The following DAB1 variants were observed in gnomAD, a reference collection of about 807,000 sequenced individuals.
DAB1 encodes disabled homolog 1.
A neutral mutation model predicts 64.6 loss-of-function variants in DAB1; 15 were observed. The ratio of observed to expected loss-of-function variants is 0.23; its 90% CI spans 0.16 to 0.36. The LOEUF is 0.36. DAB1 is among the 10% of genes least tolerant of loss of function. The pLI is 1.00. For synonymous variants in DAB1, 235 were observed against 251.9 expected (o/e 0.93, Z 0.64); for missense variants, 596 against 706.7 (o/e 0.84, Z 1.78).
intron 3 of DAB1, among the ~76,000 whole-genome samples, chr1:58,373,323 T>TC (rs1267511527): frequency 9.8e-6 from 1 of 102,370 alleles, no homozygotes; most frequent in African/African-American, 2.9e-5. Flanking sequence ...CCCTCCCCAC[T>TC]CCCCCCTCCC....
intron 7 of DAB1, among the ~76,000 whole-genome samples, chr1:57,585,058 G>A (rs1266987587): frequency 1.3e-5 from 2 of 151,644 alleles, no homozygotes; most frequent in African/African-American, 2.4e-5. Flanking sequence ...AGACCAGCCT[G>A]GCCAACATGT....
rs143189967 is a variant in DAB1, at chr1:57,389,837, G to C, written c.-137+34093C>G. Among the ~76,000 whole-genome samples the C allele has an allele frequency of 1.6e-4, 24 of 152,170 alleles. 1 individual carries two copies. In the East Asian group the frequency reaches 4.4e-3, roughly 28 times the overall value. On this transcript the variant is annotated intron_variant, in intron 1 of 14. Coordinates refer to ENST00000371236, the MANE Select transcript of DAB1 (RefSeq NM_001365792.1). ...TACCTAACTCCCCCCATAGAAACAA[G>C]CTTGATAACAAAAATAACTGTAATA...
chr1:57,998,701 T>C (rs1232506610), intron 5 of DAB1, among the ~76,000 whole-genome samples: 2 of 152,196 alleles, frequency 1.3e-5, no homozygotes, highest in African/African-American at 2.4e-5. Context: ...CTAGAGTAGT[T>C]TGAGGAATTA....
chr1:57,458,719 A>G (rs1364587601), intron 7 of DAB1, among the ~76,000 whole-genome samples: 1 of 152,128 alleles, frequency 6.6e-6, no homozygotes, highest in African/African-American at 2.4e-5. Flanking sequence ...GAATTAAGTG[A>G]CGTATTAAAT....
chr1:57,995,554 A>C (rs2100388037), intron 5 of DAB1, among the ~76,000 whole-genome samples: 1 of 152,354 alleles, frequency 6.6e-6, no homozygotes, highest in South Asian at 2.1e-4. Context: ...TTGGTTATTA[A>C]TAAAATATTG....
intron 7 of DAB1, among the ~76,000 whole-genome samples, chr1:57,593,478 A>T (rs530388704): frequency 2.6e-5 from 4 of 152,368 alleles, no homozygotes; most frequent in African/African-American, 2.4e-5. Flanking sequence ...TGCACAAATC[A>T]AACTAGTTTT....
At chr1:58,328,651 G>T (rs905810901) in intron 4 of DAB1, among the ~76,000 whole-genome samples, 2 of 152,068 alleles carry the variant, frequency 1.3e-5, no homozygotes, top group African/African-American at 4.8e-5. Flanking sequence ...TGTCACCCAG[G>T]CTGGAATACA....
chr1:57,578,799 G>T (rs1479917753), intron 7 of DAB1, among the ~76,000 whole-genome samples: 2 of 152,170 alleles, frequency 1.3e-5, no homozygotes, highest in Non-Finnish European at 2.9e-5. Context: ...GGGTTCATGT[G>T]GATTTGCATC....
chr1:57,768,665 AT>A (rs1207061372), intron 6 of DAB1, among the ~76,000 whole-genome samples: 1 of 151,530 alleles, frequency 6.6e-6, no homozygotes, highest in Non-Finnish European at 1.5e-5. Flanking sequence ...ACAGGCATAT[AT>A]TTTTTATGTA....
intron 1 of DAB1, among the ~76,000 whole-genome samples, chr1:57,409,583 G>A (rs1271293842): frequency 6.6e-6 from 1 of 152,160 alleles, no homozygotes; most frequent in East Asian, 1.9e-4. Flanking sequence ...GGCCGAGGTG[G>A]GCGGATCATG....
intron 2 of DAB1, among the ~76,000 whole-genome samples, chr1:57,256,901 C>T (rs996661103): frequency 3.9e-5 from 6 of 152,172 alleles, no homozygotes; most frequent in Admixed American, 3.9e-4. Context: ...GTCTAGCAGC[C>T]ACTGTTCCTG....
chr1:58,122,772 GATT>G (rs1195890218), intron 5 of DAB1, among the ~76,000 whole-genome samples: 1 of 152,106 alleles, frequency 6.6e-6, no homozygotes, highest in African/African-American at 2.4e-5. Flanking sequence ...GGGCTTTGGT[GATT>G]ATTATTAAAA....
intron 6 of DAB1, among the ~76,000 whole-genome samples, chr1:57,663,895 G>A (rs1183413464): frequency 6.6e-6 from 1 of 152,184 alleles, no homozygotes; most frequent in Non-Finnish European, 1.5e-5. Flanking sequence ...CAATTGTAAT[G>A]TAAATGCAAA....
chr1:58,125,070 G>C (rs923336029), intron 5 of DAB1, among the ~76,000 whole-genome samples: 2 of 152,134 alleles, frequency 1.3e-5, no homozygotes, highest in Admixed American at 1.3e-4. Flanking sequence ...GATAACAACA[G>C]ATAGAAATTA....
chr1:58,032,153 G>A (rs57336491), intron 5 of DAB1, among the ~76,000 whole-genome samples: 2,669 of 152,094 alleles, frequency 0.018, 71 homozygotes, highest in African/African-American at 0.062. Context: ...CCTAGTGCTA[G>A]TGAGTTGGAA....
chr1:58,434,303 T>G (rs1055344567), intron 3 of DAB1, among the ~76,000 whole-genome samples: 1 of 151,626 alleles, frequency 6.6e-6, no homozygotes, highest in Non-Finnish European at 1.5e-5. Flanking sequence ...ACAGTAATAG[T>G]AGAGATGGTG....
intron 7 of DAB1, among the ~76,000 whole-genome samples, chr1:57,467,674 G>A (rs1379378124): frequency 6.6e-6 from 1 of 152,054 alleles, no homozygotes; most frequent in Non-Finnish European, 1.5e-5. Flanking sequence ...ATCCAGCACA[G>A]TGCTAGATGG....
At chr1:57,176,077 T>A (rs769987678) in intron 2 of DAB1, among the ~76,000 whole-genome samples, 1 of 152,200 alleles carries the variant, frequency 6.6e-6, no homozygotes, top group Non-Finnish European at 1.5e-5. Flanking sequence ...AGGTACTTCA[T>A]GGGACTGCTG....
chr1:58,217,821 C>T (rs1367252489), intron 4 of DAB1, among the ~76,000 whole-genome samples: 1 of 152,036 alleles, frequency 6.6e-6, no homozygotes, highest in Non-Finnish European at 1.5e-5. Context: ...CCCATAGTAC[C>T]TAACACAGAG....
Sources: gnomAD v4.1 joint callset for allele counts (sites outside exome capture counted in the v4.1 genomes callset) on GRCh38, gnomAD v4.1.1 for gene constraint, MANE v1.5 for transcripts, NCBI Gene and HGNC (gene_info 2026-07-23, HGNC 2026-07-21) for gene names.